Variants in RNF144B observed in about 807,000 individuals in gnomAD.
The protein encoded by RNF144B is E3 ubiquitin-protein ligase RNF144B.
Under a neutral mutation model 40.2 loss-of-function variants are expected in RNF144B, and 25 were observed. That is an observed-to-expected ratio of 0.62 (90% CI 0.45 to 0.87). The LOEUF (loss-of-function observed/expected upper bound fraction) is 0.87. RNF144B is among the 40% of genes least tolerant of loss of function. RNF144B has a pLI of 0.00. For synonymous variants in RNF144B, 145 were observed against 136.3 expected, an observed-to-expected ratio of 1.06 and a Z score of -0.44; for missense variants, 365 against 373.7, an observed-to-expected ratio of 0.98 and a Z score of 0.19.
At position 18,443,459 on chromosome 6, in the gene RNF144B, A is replaced by C. The variant is rs12199112; in HGVS notation, c.331+3715A>C. ...ATATTTTAGTAGAGATGGGGTTTCG[A>C]CATGTTGGTCAGGCTGGTCTCGAAG... On this transcript the variant is annotated intron_variant, in intron 4 of 7. Transcript: ENST00000259939. The surrounding 1 kb of genome is among the most constrained non-coding windows in gnomAD (Gnocchi z 4.7). Among the ~76,000 whole-genome samples, 19,115 of 151,590 alleles carry C rather than the reference A, an allele frequency of 0.13. 1,385 individuals are homozygous for C. The highest frequency in any genetic ancestry group is 0.19 in the Admixed American group (2,951 of 15,212).
chr6:18,399,531 G>A lies in RNF144B; in HGVS notation c.-4G>A. 2.5e-6 allele frequency: 4 copies of A among 1,614,000 alleles called. No homozygotes were observed. The highest frequency in any genetic ancestry group is 3.4e-6 in the Non-Finnish European group (4 of 1,179,950). On this transcript the variant is annotated 5_prime_UTR_variant, in exon 2 of 8. Coordinates refer to ENST00000259939, the MANE Select transcript of RNF144B (RefSeq NM_182757.4). ...GGAGACTGAAGAATGCTGAAGACAGGCTGATGGGCTCAGCTGGTAGGCTCC... is the reference window on the plus strand; with the variant it reads ...GGAGACTGAAGAATGCTGAAGACAGACTGATGGGCTCAGCTGGTAGGCTCC...
intron 2 of RNF144B, among the ~76,000 whole-genome samples, chr6:18,413,515 T>G (rs949474929): frequency 2.0e-5 from 3 of 152,182 alleles, no homozygotes; most frequent in African/African-American, 4.8e-5. Context: ...TCGGGTAAGT[T>G]ATTTGAGGAA....
Position 18,465,400 on chromosome 6 carries a change from G to T in RNF144B, c.*333G>T. On this transcript the variant is annotated 3_prime_UTR_variant, in exon 8 of 8. Coordinates refer to ENST00000259939, the MANE Select transcript of RNF144B (RefSeq NM_182757.4). ...ATTCAAGGAGCTTGCGGGAACATTT[G>T]ATATAACAAATGTGTTGTCATTGTT... 4.0e-6 allele frequency: 1 copy of T among 249,284 alleles called. No individual in the cohort carries two copies. Among genetic ancestry groups the T allele is most frequent in the Non-Finnish European group, 7.7e-6 (1 of 130,076 alleles). The allele number at this position is 249,284 out of a possible 1,614,324, so 15.4% of individuals were successfully genotyped here. A position where few individuals can be genotyped will look rare whatever the true frequency, so the allele number is the denominator to read the frequency against.
In RNF144B at chr6:18,465,099, G is replaced by A; in HGVS notation, c.*32G>A. 1 of 1,609,486 alleles carries A rather than the reference G, an allele frequency of 6.2e-7. No individual in the cohort carries two copies. The highest frequency in any genetic ancestry group is 1.1e-5 in the South Asian group (1 of 90,438). ...CTGTGTTCATACGCCCCAGATATGT[G>A]AGTTACATGAGATGGCACAGTGATA... On this transcript the variant is annotated 3_prime_UTR_variant, in exon 8 of 8. Transcript: ENST00000259939.
chr6:18,404,010 T>G (rs1391115802), intron 2 of RNF144B, among the ~76,000 whole-genome samples: 2 of 152,164 alleles, frequency 1.3e-5, no homozygotes, highest in African/African-American at 4.8e-5. Flanking sequence ...CACCAAGCCA[T>G]TCCCCAACTA....
At position 18,434,778 on chromosome 6, in the gene RNF144B, C is replaced by T. The variant is rs963798328; in HGVS notation, c.271-4906C>T. Among the ~76,000 whole-genome samples, 7 of 152,096 alleles carry T rather than the reference C, an allele frequency of 4.6e-5. No individual in the cohort carries two copies. The highest frequency in any genetic ancestry group is 5.9e-5 in the Non-Finnish European group (4 of 68,018). Reference sequence around the variant, plus strand: ...CTGGGACTACAGGCGCCTGCTACCACGCCCAGCTAATTTTTTGTATTTTTA... The same window carrying T: ...CTGGGACTACAGGCGCCTGCTACCATGCCCAGCTAATTTTTTGTATTTTTA... On this transcript the variant is annotated intron_variant, in intron 3 of 7. Coordinates refer to ENST00000259939, the MANE Select transcript of RNF144B (RefSeq NM_182757.4). This position sits in a 1 kb window ranked among gnomAD's most constrained non-coding sequence, Gnocchi z 4.1.
At chr6:18,461,457 C>T (rs1759453765) in intron 6 of RNF144B, among the ~76,000 whole-genome samples, 1 of 152,080 alleles carries the variant, frequency 6.6e-6, no homozygotes, top group Non-Finnish European at 1.5e-5. Context: ...GGGTTCATAT[C>T]CACAAGGAGG....
At chr6:18,462,501 C>T (rs1171385253) in intron 6 of RNF144B, among the ~76,000 whole-genome samples, 1 of 152,134 alleles carries the variant, frequency 6.6e-6, no homozygotes, top group Non-Finnish European at 1.5e-5. Context: ...TCAGTTTACC[C>T]CTCTTCCTAG....
chr6:18,390,690 T>C (rs1582393409), intron 1 of RNF144B, among the ~76,000 whole-genome samples: 1 of 152,358 alleles, frequency 6.6e-6, no homozygotes, highest in South Asian at 2.1e-4. Flanking sequence ...CTTGGGAAGA[T>C]AAAACAAGAC....
At chr6:18,461,863 G>A (rs1219046572) in intron 6 of RNF144B, among the ~76,000 whole-genome samples, 6 of 152,040 alleles carry the variant, frequency 3.9e-5, no homozygotes, top group Non-Finnish European at 8.8e-5. Context: ...GGCCTGAGAC[G>A]GACACCAAAC....
chr6:18,440,580 G>A lies in RNF144B; in HGVS notation c.331+836G>A, dbSNP rs909408137. 5.3e-5 allele frequency among the ~76,000 whole-genome samples: 8 copies of A among 151,940 alleles called. No individual in the cohort carries two copies. The East Asian group carries it at 1.4e-3, about 26-fold the overall frequency. On this transcript the variant is annotated intron_variant, in intron 4 of 7. Transcript: ENST00000259939. ...GAAAATGAATATTTATTTGTCATGT[G>A]CCAATAAGTTTGGTCAGTACAATTA...
rs1281601004 is a variant in RNF144B, at chr6:18,448,142, T to C, written c.331+8398T>C. 6.6e-6 allele frequency among the ~76,000 whole-genome samples: 1 copy of C among 151,878 alleles called. No homozygotes were observed. The highest frequency in any genetic ancestry group is 1.5e-5 in the Non-Finnish European group (1 of 67,990). On this transcript the variant is annotated intron_variant, in intron 4 of 7. Coordinates refer to ENST00000259939, the MANE Select transcript of RNF144B (RefSeq NM_182757.4). This position sits in a 1 kb window ranked among gnomAD's most constrained non-coding sequence, Gnocchi z 4.0. ...TATATTAACTCTTTCAAGGAGTGTT[T>C]TTTGTTTTGTTTTGTTTTGTTTTTT... is the stretch of plus-strand genomic sequence containing the variant.
At chr6:18,427,344 AG>A (rs1277915070) in intron 2 of RNF144B, among the ~76,000 whole-genome samples, 3 of 152,124 alleles carry the variant, frequency 2.0e-5, no homozygotes, top group Non-Finnish European at 4.4e-5. Context: ...GTGTGAGCAT[AG>A]GGAAATCTGA....
Position 18,412,974 on chromosome 6 carries a change from C to T in RNF144B, c.165+13275C>T, listed in dbSNP as rs142855004. Among the ~76,000 whole-genome samples the T allele has an allele frequency of 6.0e-4, 92 of 152,200 alleles. No homozygotes were observed. The highest frequency in any genetic ancestry group is 2.0e-3 in the African/African-American group (83 of 41,536). On this transcript the variant is annotated intron_variant, in intron 2 of 7. Transcript: ENST00000259939. The surrounding 1 kb of genome is among the most constrained non-coding windows in gnomAD (Gnocchi z 4.2). The stretch of plus-strand genomic sequence containing the variant: ...TTTATTCATCTGTTTAAAAAAATTA[C>T]GGAAGGAAAAGCAAGGGCATTTGAG...
intron 3 of RNF144B, among the ~76,000 whole-genome samples, chr6:18,435,884 AG>A (rs1407689378): frequency 5.1e-5 from 6 of 116,900 alleles, no homozygotes; most frequent in Non-Finnish European, 1.1e-4. Context: ...GGGTTGGGGG[AG>A]GGGGGAGGGA....
rs1428995032 is a variant in RNF144B, at chr6:18,457,743, C to T, written c.536+384C>T. Among the ~76,000 whole-genome samples the T allele has an allele frequency of 2.0e-5, 3 of 152,058 alleles. No homozygotes were observed. In the East Asian group the frequency reaches 5.8e-4, roughly 29 times the overall value. On this transcript the variant is annotated intron_variant, in intron 5 of 7. Transcript: ENST00000259939. This position sits in a 1 kb window ranked among gnomAD's most constrained non-coding sequence, Gnocchi z 5.1. ...CAAAATGAGAAAAGAAATTTTCTTACCTGACTAAATTGCCAGCTCATGATG... is the reference window on the plus strand; with the variant it reads ...CAAAATGAGAAAAGAAATTTTCTTATCTGACTAAATTGCCAGCTCATGATG...
chr6:18,391,730 T>C (rs944326447), intron 1 of RNF144B, among the ~76,000 whole-genome samples: 4 of 148,048 alleles, frequency 2.7e-5, no homozygotes, highest in African/African-American at 1.0e-4. Flanking sequence ...TAGCCAAGCG[T>C]GGTGGTGGGC....
chr6:18,461,085 A>G (rs549158566), intron 6 of RNF144B, among the ~76,000 whole-genome samples: 1 of 152,318 alleles, frequency 6.6e-6, no homozygotes, highest in South Asian at 2.1e-4. Context: ...AATGTCATCA[A>G]GCAGGCCACC....
Position 18,450,308 on chromosome 6 carries a change from T to G in RNF144B, c.332-6847T>G, listed in dbSNP as rs1759183655. 6.6e-6 allele frequency among the ~76,000 whole-genome samples: 1 copy of G among 152,050 alleles called. No homozygotes were observed. Among genetic ancestry groups the G allele is most frequent in the South Asian group, 2.1e-4 (1 of 4,824 alleles). On this transcript the variant is annotated intron_variant, in intron 4 of 7. Coordinates refer to ENST00000259939, the MANE Select transcript of RNF144B (RefSeq NM_182757.4). This position sits in a 1 kb window ranked among gnomAD's most constrained non-coding sequence, Gnocchi z 4.7. Reference sequence around the variant, plus strand: ...TCTGATTTGTAGTGCTTGCCAGTTTTTTTTTTTTAGATGGAGTCTTGCTCT... The same window carrying G: ...TCTGATTTGTAGTGCTTGCCAGTTTGTTTTTTTTAGATGGAGTCTTGCTCT...
Sources: allele counts gnomAD v4.1 joint callset (sites outside exome capture counted in the v4.1 genomes callset), GRCh38; gene constraint gnomAD v4.1.1; non-coding constraint Gnocchi (gnomAD v3.1); transcripts MANE v1.5; gene names NCBI Gene and HGNC (gene_info 2026-07-23, HGNC 2026-07-21).